Variants in AGO4 observed in about 807,000 individuals in gnomAD.
The protein encoded by AGO4 is argonaute RISC component 4, also known as protein argonaute-4.
In AGO4, 33 loss-of-function variants were observed where a neutral mutation model predicts 104.7. The ratio of observed to expected loss-of-function variants is 0.32; its 90% CI spans 0.24 to 0.42. The LOEUF is 0.42. Among genes scored for constraint, AGO4 ranks in the 10% least tolerant of loss-of-function variants. AGO4 has a pLI of 1.00. For synonymous variants in AGO4, 331 were observed against 364.7 expected, an observed-to-expected ratio of 0.91 and a Z score of 1.05; for missense variants, 711 against 1,083.4, an observed-to-expected ratio of 0.66 and a Z score of 4.83.
At chr1:35,832,371 T>C in intron 10 of AGO4, 66 bp from the exon 11 acceptor site, 4 of 1,511,012 alleles carry the variant, frequency 2.6e-6, no homozygotes, top group Non-Finnish European at 3.5e-6. Flanking sequence ...GGCCTTAGAT[T>C]GTAATGTCTT....
At chr1:35,825,636 T>C (rs1196347744) in intron 4 of AGO4, 43 bp from the exon 5 acceptor site, 9 of 1,530,042 alleles carry the variant, frequency 5.9e-6, no homozygotes, top group Non-Finnish European at 7.9e-6. Flanking sequence ...TGAAGGACCT[T>C]TCACATGTTT....
intron 1 of AGO4, among the ~76,000 whole-genome samples, chr1:35,814,453 C>A (rs901370667): frequency 1.4e-5 from 2 of 143,032 alleles, no homozygotes; most frequent in African/African-American, 5.1e-5. Context: ...TATCCCTCCC[C>A]CCTCCCCCTA....
intron 7 of AGO4, among the ~76,000 whole-genome samples, chr1:35,827,790 CTTTTTT>C (rs142432459): frequency 1.9e-5 from 2 of 103,828 alleles, no homozygotes; most frequent in African/African-American, 7.1e-5. Context: ...TGTTGTTATT[CTTTTTT>C]TTTTTTTTTT....
chr1:35,814,037 T>C (rs145820703), intron 1 of AGO4, among the ~76,000 whole-genome samples: 4,353 of 145,418 alleles, frequency 0.03, 363 homozygotes, highest in East Asian at 0.21. Context: ...ATCGCACCAC[T>C]GCCCTCCAGC....
intron 2 of AGO4, among the ~76,000 whole-genome samples, chr1:35,821,479 C>T (rs1643884324): frequency 6.6e-6 from 1 of 152,210 alleles, no homozygotes; most frequent in Non-Finnish European, 1.5e-5. Context: ...TCAAAAATCT[C>T]ACAAACCCTG....
chr1:35,824,934 A>T (rs542741080), intron 3 of AGO4, among the ~76,000 whole-genome samples: 1 of 152,266 alleles, frequency 6.6e-6, no homozygotes, highest in East Asian at 1.9e-4. Context: ...ATTAAACAAT[A>T]ATTCCCCATA....
chr1:35,821,775 A>G (rs936581260), intron 2 of AGO4, among the ~76,000 whole-genome samples: 1 of 152,218 alleles, frequency 6.6e-6, no homozygotes, highest in South Asian at 2.1e-4. Context: ...ATAATAAATC[A>G]CTGGCATTAG....
intron 2 of AGO4, among the ~76,000 whole-genome samples, chr1:35,821,486 C>A (rs1225843413): frequency 6.6e-6 from 1 of 152,158 alleles, no homozygotes; most frequent in Non-Finnish European, 1.5e-5. Context: ...TCTCACAAAC[C>A]CTGGTCTGTC....
chr1:35,828,622 C>G (rs531098259), intron 7 of AGO4, among the ~76,000 whole-genome samples: 47 of 152,026 alleles, frequency 3.1e-4, no homozygotes, highest in African/African-American at 1.1e-3. Context: ...CCGGTTCAAG[C>G]GATTCTCCTG....
At chr1:35,818,605 C>T (rs533896338) in intron 2 of AGO4, among the ~76,000 whole-genome samples, 2 of 145,402 alleles carry the variant, frequency 1.4e-5, no homozygotes, top group South Asian at 4.2e-4. Context: ...GCCTGGGCAA[C>T]AGAGGGAGAC....
In AGO4 at chr1:35,853,609, T is replaced by C. The variant is rs548583111; in HGVS notation, c.*4T>C. 1.2e-6 allele frequency: 2 copies of C among 1,612,990 alleles called. No homozygotes were observed. The highest frequency in any genetic ancestry group is 2.7e-5 in the African/African-American group (2 of 74,798). On this transcript the variant is annotated 3_prime_UTR_variant, in exon 18 of 18. Transcript: ENST00000373210. ...GCACACGATGTATTTTGCCTGAGAG[T>C]CTCAGAAAAAGAACTCAACCAATTT...
At chr1:35,817,833 T>C (rs1269747944) in intron 2 of AGO4, among the ~76,000 whole-genome samples, 1 of 152,212 alleles carries the variant, frequency 6.6e-6, no homozygotes, top group Non-Finnish European at 1.5e-5. Context: ...AAACCCATTA[T>C]TGGCTATTGT....
intron 15 of AGO4, among the ~76,000 whole-genome samples, chr1:35,844,348 G>A (rs1644516603): frequency 6.6e-6 from 1 of 152,128 alleles, no homozygotes; most frequent in Admixed American, 6.6e-5. Flanking sequence ...CTGTCCAAAA[G>A]TGTCTGTTTA....
At chr1:35,832,624 C>G (rs2148668814) in intron 11 of AGO4, 54 bp downstream of exon 11, 1 of 1,594,880 alleles carries the variant, frequency 6.3e-7, no homozygotes, top group East Asian at 2.2e-5. Flanking sequence ...TATGAAAATA[C>G]TGTCTTTATG....
In AGO4 at chr1:35,854,061, G is replaced by A. The variant is rs1644767626; in HGVS notation, c.*456G>A. On this transcript the variant is annotated 3_prime_UTR_variant, in exon 18 of 18. Transcript: ENST00000373210. The stretch of plus-strand genomic sequence containing the variant: ...TTCAGTTCAGTGTAACTATTTAATT[G>A]TGTGGGTCCATAGACTTTTTAATGA... 3 of 152,858 alleles carry A rather than the reference G, an allele frequency of 2.0e-5. No individual in the cohort carries two copies. The highest frequency in any genetic ancestry group is 4.1e-4 in the South Asian group (2 of 4,850). The allele number at this position is 152,858 out of a possible 1,614,324, so 9.5% of individuals were successfully genotyped here. A position where few individuals can be genotyped will look rare whatever the true frequency, so the allele number is the denominator to read the frequency against.
intron 15 of AGO4, among the ~76,000 whole-genome samples, chr1:35,842,154 G>A (rs777894242): frequency 7.2e-5 from 11 of 152,000 alleles, no homozygotes; most frequent in Non-Finnish European, 1.5e-4. Flanking sequence ...CATAGGACAC[G>A]GGTCCCCAAC....
intron 12 of AGO4, among the ~76,000 whole-genome samples, chr1:35,835,531 A>C (rs1444801944): frequency 6.6e-6 from 1 of 152,208 alleles, no homozygotes; most frequent in Non-Finnish European, 1.5e-5. Context: ...TAAATCAGTC[A>C]TGTGGGAAGA....
chr1:35,815,922 C>T (rs1643678905), intron 1 of AGO4, among the ~76,000 whole-genome samples: 1 of 152,144 alleles, frequency 6.6e-6, no homozygotes, highest in Admixed American at 6.5e-5. Flanking sequence ...GGGGCTCTGT[C>T]TTCATTCTGA....
Position 35,832,532 on chromosome 1 carries a change from T to C in AGO4, c.1341T>C (p.Cys447=). 1 of 1,614,002 alleles carries C rather than the reference T, an allele frequency of 6.2e-7. No individual in the cohort carries two copies. Among genetic ancestry groups the C allele is most frequent in the Non-Finnish European group, 8.5e-7 (1 of 1,179,960 alleles). The stretch of plus-strand genomic sequence containing the variant: ...AAATTAAAGTTTGGGCAGTTGCTTG[T>C]TTTGCACCTCAGAAACAATGTAGGG... ...GIEIKVWAVA[C]FAPQKQCRED... Residue 447 remains cysteine, a synonymous_variant, in exon 11 of 18, where the codon TGT becomes TGC. Coordinates refer to ENST00000373210, the MANE Select transcript of AGO4 (RefSeq NM_017629.4).
Sources: gnomAD v4.1 joint callset for allele counts (sites outside exome capture counted in the v4.1 genomes callset) on GRCh38, gnomAD v4.1.1 for gene constraint, MANE v1.5 for transcripts, NCBI Gene and HGNC (gene_info 2026-07-23, HGNC 2026-07-21) for gene names.